Variants in NRP2 observed in about 807,000 individuals in gnomAD.
NRP2 encodes the protein neuropilin-2.
In NRP2, 52 loss-of-function variants were observed where a neutral mutation model predicts 110.4. That is an observed-to-expected ratio of 0.47 (90% confidence interval 0.38 to 0.59). The LOEUF (loss-of-function observed/expected upper bound fraction) is 0.59, where lower values mean the gene tolerates loss of function less well. Ranked by LOEUF, NRP2 falls within the 20% of genes least tolerant of loss-of-function variation. The probability of loss-of-function intolerance (pLI) is 0.00; values close to 1 mark genes in which losing one functional copy is unlikely to be tolerated. For synonymous variants in NRP2, 508 were observed against 468.9 expected (o/e 1.08, Z -1.08); for missense variants, 1,049 against 1,203.0 (o/e 0.87, Z 1.89).
At chr2:205,724,654 CTTT>C (rs35094496) in intron 5 of NRP2, among the ~76,000 whole-genome samples, 11 of 80,346 alleles carry the variant, frequency 1.4e-4, no homozygotes, top group Non-Finnish European at 2.1e-4. Flanking sequence ...CAAACGATAA[CTTT>C]TTTTTTTTTT....
Position 205,682,584 on chromosome 2 carries a change from G to A in NRP2, c.-707G>A, listed in dbSNP as rs2056036879. The A allele has an allele frequency of 6.5e-6, 1 of 154,736 alleles. No individual in the cohort carries two copies. The highest frequency in any genetic ancestry group is 1.4e-5 in the Non-Finnish European group (1 of 69,294). The allele number at this position is 154,736 out of a possible 1,614,324, so 9.6% of individuals were successfully genotyped here. On this transcript the variant is annotated 5_prime_UTR_variant, in exon 1 of 17. Transcript: ENST00000357785. The surrounding 1 kb of genome is among the most constrained non-coding windows in gnomAD (Gnocchi z 4.3). ...AGACACTCGGCGAGGTGGAGGTGAG[G>A]GCGGGCGCCAGCGAACTCGGAGAGG...
At chr2:205,778,109 T>C (rs905999364) in intron 15 of NRP2, 21 of 152,202 alleles carry the variant, frequency 1.4e-4, no homozygotes, top group African/African-American at 5.1e-4. Context: ...TCGGGAGCAT[T>C]TATTTTTTAC....
rs1264223616 is a variant in NRP2, at chr2:205,796,536, A to G, written c.*1478A>G. On this transcript the variant is annotated 3_prime_UTR_variant, in exon 17 of 17. Coordinates refer to ENST00000357785, the MANE Select transcript of NRP2 (RefSeq NM_003872.3). ...TGTATTTTCCCTTTATGTAAAAATT[A>G]GTGAATATCTTATGAATTAAGGCAT... 2 of 152,636 alleles carry G rather than the reference A, an allele frequency of 1.3e-5. No homozygotes were observed. The highest frequency in any genetic ancestry group is 2.9e-5 in the Non-Finnish European group (2 of 68,046). 9.5% of individuals were successfully genotyped at this position (152,636 alleles called of 1,614,324 possible). A position where few individuals can be genotyped will look rare whatever the true frequency, so the allele number is the denominator to read the frequency against.
At chr2:205,781,745 C>T (rs994549549) in intron 15 of NRP2, among the ~76,000 whole-genome samples, 1 of 152,130 alleles carries the variant, frequency 6.6e-6, no homozygotes, top group Non-Finnish European at 1.5e-5. Context: ...CCAAAGAAAA[C>T]ACAAAACAAA....
chr2:205,698,946 C>A (rs1031718710), intron 2 of NRP2, among the ~76,000 whole-genome samples: 31 of 152,222 alleles, frequency 2.0e-4, no homozygotes, highest in African/African-American at 7.2e-4. Flanking sequence ...GGAAACAAGG[C>A]CCCTCTTTAA....
At chr2:205,767,420 G>A (rs1444814987) in intron 15 of NRP2, 1 of 517,346 alleles carries the variant, frequency 1.9e-6, no homozygotes, top group Non-Finnish European at 3.9e-6. Flanking sequence ...TTTAGGACCC[G>A]GTGTCCAGTC....
At chr2:205,728,456 A>C (rs2057172910) in intron 7 of NRP2, among the ~76,000 whole-genome samples, 1 of 152,220 alleles carries the variant, frequency 6.6e-6, no homozygotes, top group African/African-American at 2.4e-5. Context: ...CTGGAAATGA[A>C]AGGGCACAAA....
intron 7 of NRP2, among the ~76,000 whole-genome samples, chr2:205,730,018 C>G (rs2057205430): frequency 6.6e-6 from 1 of 152,112 alleles, no homozygotes; most frequent in African/African-American, 2.4e-5. Context: ...AGAGGAAAAG[C>G]CCATTCTCTT....
intron 1 of NRP2, among the ~76,000 whole-genome samples, chr2:205,690,424 A>C (rs896331470): frequency 6.6e-6 from 1 of 152,096 alleles, no homozygotes; most frequent in African/African-American, 2.4e-5. Flanking sequence ...CCCTGAGATA[A>C]ATTAATTTTA....
chr2:205,732,036 C>T (rs1048317596), intron 7 of NRP2, among the ~76,000 whole-genome samples: 3 of 152,204 alleles, frequency 2.0e-5, no homozygotes, highest in Admixed American at 6.5e-5. Context: ...TCCAGACTGG[C>T]GCTCTCCACA....
At chr2:205,712,345 T>A (rs1347828098) in intron 2 of NRP2, among the ~76,000 whole-genome samples, 1 of 152,216 alleles carries the variant, frequency 6.6e-6, no homozygotes. Context: ...CTAGTTAATA[T>A]GTCTGTTAGC....
intron 9 of NRP2, among the ~76,000 whole-genome samples, chr2:205,744,701 C>T (rs1364048367): frequency 6.6e-6 from 1 of 152,214 alleles, no homozygotes; most frequent in African/African-American, 2.4e-5. Context: ...CTCGGGGCCA[C>T]CTTTGCTAAG....
At chr2:205,731,736 A>G (rs2057244651) in intron 7 of NRP2, among the ~76,000 whole-genome samples, 1 of 152,140 alleles carries the variant, frequency 6.6e-6, no homozygotes, top group African/African-American at 2.4e-5. Context: ...AATGCACGCT[A>G]TTGGCCAGAT....
chr2:205,751,501 C>T (rs1418548320), intron 11 of NRP2, among the ~76,000 whole-genome samples: 6 of 152,124 alleles, frequency 3.9e-5, no homozygotes, highest in Admixed American at 2.6e-4. Context: ...CTGACTTTTC[C>T]AAGCCACAGG....
chr2:205,751,397 A>G (rs1159837144), intron 11 of NRP2, among the ~76,000 whole-genome samples: 1 of 152,186 alleles, frequency 6.6e-6, no homozygotes, highest in Non-Finnish European at 1.5e-5. Flanking sequence ...TAAACATTAC[A>G]GAGGATTTAT....
intron 12 of NRP2, among the ~76,000 whole-genome samples, chr2:205,755,547 T>C (rs1411071487): frequency 6.6e-6 from 1 of 151,924 alleles, no homozygotes; most frequent in Non-Finnish European, 1.5e-5. Flanking sequence ...GATATTGGGC[T>C]TTAAGCAGGA....
intron 7 of NRP2, among the ~76,000 whole-genome samples, chr2:205,736,213 A>C (rs535092086): frequency 1.1e-4 from 16 of 152,198 alleles, no homozygotes; most frequent in Middle Eastern, 3.4e-3. Flanking sequence ...TTGGTGGCGC[A>C]TACCTGTAAT....
intron 7 of NRP2, among the ~76,000 whole-genome samples, chr2:205,736,679 G>T (rs963648909): frequency 6.6e-6 from 1 of 152,182 alleles, no homozygotes; most frequent in South Asian, 2.1e-4. Context: ...GCCTATTATC[G>T]ACTTTATTTT....
intron 12 of NRP2, among the ~76,000 whole-genome samples, chr2:205,755,826 G>A (rs1296823435): frequency 6.6e-6 from 1 of 152,088 alleles, no homozygotes; most frequent in African/African-American, 2.4e-5. Flanking sequence ...GATGAGATAG[G>A]CAAACAGAAG....
Sources: allele counts gnomAD v4.1 joint callset (sites outside exome capture counted in the v4.1 genomes callset), GRCh38; gene constraint gnomAD v4.1.1; non-coding constraint Gnocchi (gnomAD v3.1); transcripts MANE v1.5; gene names NCBI Gene and HGNC (gene_info 2026-07-23, HGNC 2026-07-21).